FSIP1: variants seen among roughly 807,000 people sequenced by gnomAD.
The protein encoded by FSIP1 is fibrous sheath interacting protein 1.
Under a neutral mutation model 60.9 loss-of-function variants are expected in FSIP1, and 65 were observed. The ratio of observed to expected loss-of-function variants is 1.07; its 90% CI spans 0.87 to 1.31. The LOEUF (loss-of-function observed/expected upper bound fraction) is 1.31. Among genes scored for constraint, FSIP1 ranks in the 40% most tolerant of loss-of-function variants. FSIP1 has a pLI of 0.00. For synonymous variants in FSIP1, 209 were observed against 221.2 expected, an observed-to-expected ratio of 0.94 and a Z score of 0.49; for missense variants, 675 against 665.5, an observed-to-expected ratio of 1.01 and a Z score of -0.16.
At chr15:39,718,533 C>CAGGCTGG (rs564619565) in intron 9 of FSIP1, among the ~76,000 whole-genome samples, 96 of 151,258 alleles carry the variant, frequency 6.3e-4, no homozygotes, top group African/African-American at 2.3e-3. Context: ...TTCTGCCACC[C>CAGGCTGG]AGGCTGGAGT....
intron 11 of FSIP1, among the ~76,000 whole-genome samples, chr15:39,605,324 T>C (rs1566847916): frequency 6.6e-6 from 1 of 152,148 alleles, no homozygotes. Flanking sequence ...TGGACACAGC[T>C]AGAAAACAAA....
chr15:39,751,884 C>T (rs1897174631), intron 5 of FSIP1, among the ~76,000 whole-genome samples: 1 of 151,798 alleles, frequency 6.6e-6, no homozygotes, highest in Non-Finnish European at 1.5e-5. Context: ...ATTTGTTTCA[C>T]TATAGTAACC....
At chr15:39,750,316 G>T (rs951720453) in intron 5 of FSIP1, among the ~76,000 whole-genome samples, 2 of 151,838 alleles carry the variant, frequency 1.3e-5, no homozygotes, top group African/African-American at 4.8e-5. Context: ...AACCACAAAA[G>T]ACCCCAAATG....
chr15:39,702,686 A>G (rs1477773760), intron 10 of FSIP1, among the ~76,000 whole-genome samples: 1 of 150,948 alleles, frequency 6.6e-6, no homozygotes, highest in Admixed American at 6.6e-5. Context: ...CTGTTTAAAT[A>G]TGGTGTGAGT....
At chr15:39,601,140 G>A (rs1890625340) in intron 11 of FSIP1, among the ~76,000 whole-genome samples, 1 of 152,216 alleles carries the variant, frequency 6.6e-6, no homozygotes. Context: ...TGAGCTTACA[G>A]CTCAGGGAGA....
chr15:39,764,125 T>C (rs1291526713), intron 4 of FSIP1, among the ~76,000 whole-genome samples: 1 of 152,154 alleles, frequency 6.6e-6, no homozygotes, highest in Admixed American at 6.5e-5. Context: ...ATGCCTATCA[T>C]TATATGATAA....
intron 10 of FSIP1, among the ~76,000 whole-genome samples, chr15:39,703,230 C>T (rs1034941050): frequency 6.6e-6 from 1 of 152,164 alleles, no homozygotes; most frequent in Non-Finnish European, 1.5e-5. Flanking sequence ...GATCCACCCA[C>T]CTCAGCCTCC....
chr15:39,765,244 T>TC (rs1479195239), intron 4 of FSIP1, among the ~76,000 whole-genome samples: 115 of 146,208 alleles, frequency 7.9e-4, no homozygotes, highest in African/African-American at 2.7e-3. Flanking sequence ...ATTCTTTCTT[T>TC]TTTTTTTTTT....
chr15:39,647,072 T>A (rs918237470), intron 10 of FSIP1, among the ~76,000 whole-genome samples: 1 of 152,158 alleles, frequency 6.6e-6, no homozygotes, highest in African/African-American at 2.4e-5. Context: ...CCAGGGGTGA[T>A]AGAAGTAGTT....
intron 8 of FSIP1, among the ~76,000 whole-genome samples, chr15:39,726,987 C>T (rs528091644): frequency 2.0e-5 from 3 of 152,274 alleles, no homozygotes; most frequent in Non-Finnish European, 4.4e-5. Flanking sequence ...AGGGGGGTTT[C>T]CCCTGTGGAA....
chr15:39,781,305 T>C (rs1898257661), intron 1 of FSIP1, among the ~76,000 whole-genome samples: 1 of 152,194 alleles, frequency 6.6e-6, no homozygotes, highest in Non-Finnish European at 1.5e-5. Flanking sequence ...ATTAATTTTT[T>C]AGAAAACTGA....
intron 2 of FSIP1, among the ~76,000 whole-genome samples, chr15:39,771,197 C>T (rs752485829): frequency 6.6e-6 from 1 of 152,106 alleles, no homozygotes. Context: ...CCTCCATGGC[C>T]GGGTGAGGGA....
intron 5 of FSIP1, among the ~76,000 whole-genome samples, chr15:39,751,001 A>C (rs1001991081): frequency 6.6e-6 from 1 of 151,994 alleles, no homozygotes. Context: ...GAAAACATAA[A>C]AATGACCAAC....
chr15:39,780,728 T>C (rs983735230), intron 1 of FSIP1, among the ~76,000 whole-genome samples: 1 of 152,144 alleles, frequency 6.6e-6, no homozygotes, highest in East Asian at 1.9e-4. Context: ...CTTCACACTA[T>C]AAAATTTTCT....
At chr15:39,642,599 A>ATAACTTTGAT in intron 10 of FSIP1, among the ~76,000 whole-genome samples, 1 of 152,386 alleles carries the variant, frequency 6.6e-6, no homozygotes, top group East Asian at 1.9e-4. Context: ...GACTCAGCTT[A>ATAACTTTGAT]CAAGATCAAA....
At chr15:39,775,081 TCACAAC>T (rs1898009714) in intron 2 of FSIP1, among the ~76,000 whole-genome samples, 1 of 152,188 alleles carries the variant, frequency 6.6e-6, no homozygotes, top group Non-Finnish European at 1.5e-5. Context: ...AGTGGCACAA[TCACAAC>T]TCATTGCAGC....
chr15:39,754,102 G>A (rs1395385150), intron 5 of FSIP1, among the ~76,000 whole-genome samples: 2 of 152,024 alleles, frequency 1.3e-5, no homozygotes, highest in African/African-American at 4.8e-5. Context: ...CTTACTAAGT[G>A]CTCTAGAAGT....
At chr15:39,726,806 CT>C (rs1362909614) in intron 8 of FSIP1, 59 bp from the exon 9 acceptor site, 33 of 1,445,868 alleles carry the variant, frequency 2.3e-5, no homozygotes, top group Non-Finnish European at 3.0e-5. Flanking sequence ...CAAAATATAC[CT>C]TTCAAGTGGC....
intron 9 of FSIP1, among the ~76,000 whole-genome samples, chr15:39,723,755 T>G (rs1319056036): frequency 6.6e-6 from 1 of 152,246 alleles, no homozygotes; most frequent in Admixed American, 6.5e-5. Context: ...TATGAATGTT[T>G]GTGGATTAGC....
Sources: gnomAD v4.1 joint callset for allele counts (sites outside exome capture counted in the v4.1 genomes callset) on GRCh38, gnomAD v4.1.1 for gene constraint, MANE v1.5 for transcripts, NCBI Gene and HGNC (gene_info 2026-07-23, HGNC 2026-07-21) for gene names.